GRIK1: variants seen among roughly 807,000 people sequenced by gnomAD.
GRIK1 encodes the protein glutamate ionotropic receptor kainate type subunit 1.
Under a neutral mutation model 105.7 loss-of-function variants are expected in GRIK1, and 69 were observed. The observed-to-expected ratio is 0.65, with a 90% CI of 0.54 to 0.80. The LOEUF (loss-of-function observed/expected upper bound fraction) is 0.80. GRIK1 is among the 30% of genes least tolerant of loss of function. The pLI, the probability that GRIK1 is intolerant of heterozygous loss-of-function variation, is 0.00. For synonymous variants in GRIK1, 438 were observed against 431.3 expected (o/e 1.02, Z -0.19); for missense variants, 1,109 against 1,167.3 (o/e 0.95, Z 0.73).
chr21:29,625,199 G>A (rs773363791), intron 7 of GRIK1, among the ~76,000 whole-genome samples: 4 of 152,130 alleles, frequency 2.6e-5, no homozygotes, highest in African/African-American at 4.8e-5. Context: ...AATTATACAG[G>A]GGTAGAGGAC....
At chr21:29,554,380 A>G (rs181691505) in intron 16 of GRIK1, among the ~76,000 whole-genome samples, 1 of 152,274 alleles carries the variant, frequency 6.6e-6, no homozygotes, top group African/African-American at 2.4e-5. Context: ...GTGTAAGTTG[A>G]TTTCCTTCAA....
rs143205101 is a variant in GRIK1, at chr21:29,836,589, A to G, written c.118+102794T>C. 1.6e-4 allele frequency among the ~76,000 whole-genome samples: 24 copies of G among 152,324 alleles called. No individual in the cohort carries two copies. The East Asian group carries it at 4.6e-3, about 29-fold the overall frequency. ...TTGCCATTGTTGCCTGTGAATTATAAGTTTATAAACATGAAAGTTGGATAT... is the reference window on the plus strand; with the variant it reads ...TTGCCATTGTTGCCTGTGAATTATAGGTTTATAAACATGAAAGTTGGATAT... On this transcript the variant is annotated intron_variant, in intron 1 of 17. Coordinates refer to ENST00000327783, the MANE Select transcript of GRIK1 (RefSeq NM_001330994.2).
chr21:29,732,308 AG>A (rs1362531944), intron 1 of GRIK1, among the ~76,000 whole-genome samples: 1 of 152,200 alleles, frequency 6.6e-6, no homozygotes, highest in African/African-American at 2.4e-5. Flanking sequence ...TAGGGGCTGA[AG>A]GCAACACTAT....
rs907792523 is a variant in GRIK1 at position 29,939,726 on chromosome 21, G to C, written c.-226C>G. The C allele has an allele frequency of 3.0e-4, 123 of 415,756 alleles. 2 individuals are homozygous for C. Among genetic ancestry groups the C allele is most frequent in the Non-Finnish European group, 4.5e-4 (107 of 235,942 alleles). 25.8% of individuals were successfully genotyped at this position (415,756 alleles called of 1,614,324 possible). A position where few individuals can be genotyped will look rare whatever the true frequency, so the allele number is the denominator to read the frequency against. ...CTCAGTGCTGTCGCTAGCCCATCAC[G>C]GCTCCTCCTCCTCCTCTTCCATGGG... On this transcript the variant is annotated 5_prime_UTR_variant, in exon 1 of 18. Coordinates refer to ENST00000327783, the MANE Select transcript of GRIK1 (RefSeq NM_001330994.2).
In GRIK1 at chr21:29,689,780, C is replaced by A. The variant is rs1366624847; in HGVS notation, c.492G>T (p.Leu164=). 6 of 1,613,888 alleles carry A rather than the reference C, an allele frequency of 3.7e-6. No homozygotes were observed. Among genetic ancestry groups the A allele is most frequent in the Non-Finnish European group, 5.1e-6 (6 of 1,179,808 alleles). Residue 164 remains leucine, a synonymous_variant, in exon 3 of 18, where the codon CTG becomes CTT. Transcript: ENST00000327783. Reference sequence around the variant, plus strand: ...CTGTTTTCCAGTTGTAATAGAGGACCAGATCCAGGATCGCCCTGCTGATAG... The same window carrying A: ...CTGTTTTCCAGTTGTAATAGAGGACAAGATCCAGGATCGCCCTGCTGATAG... ...YAAISRAILD[L]VLYYNWKTVT...
chr21:29,537,279 A>T lies in GRIK1; in HGVS notation c.2801T>A (p.Ile934Asn). ...AGTTCGTCTCTGATGACAAGTAAGG[A>T]TACTTGTGAAGGAAGATTTCCCCTT... is the stretch of plus-strand genomic sequence containing the variant. Reference protein sequence around the residue: ...RTKGKSSFTSILTCHQRRTQR... With the variant: ...RTKGKSSFTSNLTCHQRRTQR... The change falls in exon 18 of 18, where the codon ATC becomes AAC. Residue 934 changes from isoleucine (I) to asparagine (N), a missense_variant. Physicochemically the swap from Ile to Asn is moderately radical, Grantham distance 149 (BLOSUM62 -3). Transcript: ENST00000327783. 1 of 1,608,776 alleles carries T rather than the reference A, an allele frequency of 6.2e-7. No homozygotes were observed. The highest frequency in any genetic ancestry group is 8.5e-7 in the Non-Finnish European group (1 of 1,175,600).
intron 1 of GRIK1, among the ~76,000 whole-genome samples, chr21:29,897,905 A>G (rs1255461897): frequency 6.6e-6 from 1 of 152,228 alleles, no homozygotes; most frequent in African/African-American, 2.4e-5. Flanking sequence ...AAACTGCCAT[A>G]TCTTATCTTA....
At chr21:29,882,714 G>A (rs1183672287) in intron 1 of GRIK1, among the ~76,000 whole-genome samples, 1 of 152,072 alleles carries the variant, frequency 6.6e-6, no homozygotes. Flanking sequence ...CCCTGGCCTA[G>A]GTAAATAAGT....
chr21:29,653,073 A>G (rs540926204), intron 5 of GRIK1, among the ~76,000 whole-genome samples: 2 of 152,272 alleles, frequency 1.3e-5, no homozygotes, highest in South Asian at 4.1e-4. Flanking sequence ...ATTAATACTC[A>G]TGGGCAAGAA....
intron 8 of GRIK1, among the ~76,000 whole-genome samples, chr21:29,597,236 A>C (rs1277682201): frequency 6.6e-6 from 1 of 152,226 alleles, no homozygotes. Flanking sequence ...CACCTGAAGA[A>C]AGAAAAGTTA....
At chr21:29,815,757 G>A (rs181263433) in intron 1 of GRIK1, among the ~76,000 whole-genome samples, 20 of 151,978 alleles carry the variant, frequency 1.3e-4, no homozygotes, top group African/African-American at 4.3e-4. Flanking sequence ...AACTATCACC[G>A]GTCAATAGAG....
At position 29,799,759 on chromosome 21, in the gene GRIK1, A is replaced by C. The variant is rs543738158; in HGVS notation, c.119-105696T>G. 4.6e-5 allele frequency among the ~76,000 whole-genome samples: 7 copies of C among 152,144 alleles called. No individual in the cohort carries two copies. The South Asian group carries it at 1.5e-3, about 32-fold the overall frequency. On this transcript the variant is annotated intron_variant, in intron 1 of 17. Coordinates refer to ENST00000327783, the MANE Select transcript of GRIK1 (RefSeq NM_001330994.2). ...CGGCTAGGCTGGTCTTGAACTCCTG[A>C]CCCCAAGTGATCCACCTGCCTTAGC...
chr21:29,684,906 C>T (rs1356782376), intron 3 of GRIK1, among the ~76,000 whole-genome samples: 6 of 152,202 alleles, frequency 3.9e-5, no homozygotes, highest in African/African-American at 1.4e-4. Context: ...CATCATTTAT[C>T]TACCTATTGT....
At chr21:29,661,262 G>A (rs544961165) in intron 4 of GRIK1, among the ~76,000 whole-genome samples, 1 of 152,302 alleles carries the variant, frequency 6.6e-6, no homozygotes, top group East Asian at 1.9e-4. Flanking sequence ...ACTTATGGAG[G>A]GGACCAAATA....
intron 1 of GRIK1, among the ~76,000 whole-genome samples, chr21:29,845,736 C>G (rs2068093919): frequency 6.6e-6 from 1 of 151,092 alleles, no homozygotes. Context: ...TTTCCTGGCA[C>G]TATCTACACC....
At chr21:29,890,696 C>G (rs994558118) in intron 1 of GRIK1, among the ~76,000 whole-genome samples, 1 of 152,140 alleles carries the variant, frequency 6.6e-6, no homozygotes, top group Non-Finnish European at 1.5e-5. Flanking sequence ...TCAAAGTCAT[C>G]AGGTTCTCCA....
chr21:29,568,720 C>G (rs2090668296), intron 14 of GRIK1, among the ~76,000 whole-genome samples: 2 of 152,218 alleles, frequency 1.3e-5, no homozygotes, highest in Admixed American at 1.3e-4. Context: ...TCTGCCACTA[C>G]TTCCTGTCTG....
intron 9 of GRIK1, among the ~76,000 whole-genome samples, chr21:29,593,888 C>T (rs2268203): frequency 0.5 from 75,849 of 152,068 alleles, 21,363 homozygotes; most frequent in African/African-American, 0.76. Context: ...TTTTTCTTTC[C>T]TTTGCTATCT....
chr21:29,835,101 C>T (rs73186481), intron 1 of GRIK1, among the ~76,000 whole-genome samples: 50 of 152,226 alleles, frequency 3.3e-4, no homozygotes, highest in Non-Finnish European at 4.9e-4. Flanking sequence ...TCTTCTGGAC[C>T]GCACTTAACT....
Sources: allele counts gnomAD v4.1 joint callset (sites outside exome capture counted in the v4.1 genomes callset), GRCh38; gene constraint gnomAD v4.1.1; transcripts MANE v1.5; gene names NCBI Gene and HGNC (gene_info 2026-07-23, HGNC 2026-07-21).